CNPY1: variants seen among roughly 807,000 people sequenced by gnomAD.
The protein encoded by CNPY1 is protein canopy homolog 1.
A neutral mutation model predicts 14.4 loss-of-function variants in CNPY1; 14 were observed. The observed-to-expected ratio is 0.97, with a 90% CI of 0.64 to 1.52. CNPY1 has a LOEUF of 1.52. Among genes scored for constraint, CNPY1 ranks in the 40% most tolerant of loss-of-function variants. The pLI, the probability that CNPY1 is intolerant of heterozygous loss-of-function variation, is 0.00. For synonymous variants in CNPY1, 43 were observed against 46.5 expected, an observed-to-expected ratio of 0.92 and a Z score of 0.31; for missense variants, 129 against 131.5, an observed-to-expected ratio of 0.98 and a Z score of 0.09.
intron 4 of CNPY1, 64 bp downstream of exon 4, chr7:155,506,956 G>T: frequency 8.9e-7 from 1 of 1,118,794 alleles, no homozygotes; most frequent in Non-Finnish European, 1.4e-6. Context: ...ACAAGACGCT[G>T]CAAGGCTGAG....
intron 2 of CNPY1, among the ~76,000 whole-genome samples, chr7:155,523,855 AC>A (rs1279968443): frequency 6.6e-6 from 1 of 152,168 alleles, no homozygotes; most frequent in Non-Finnish European, 1.5e-5. Flanking sequence ...ATCCCATGTG[AC>A]TGATGCCTTA....
chr7:155,519,302 C>T (rs1796675655), intron 2 of CNPY1, among the ~76,000 whole-genome samples: 1 of 152,060 alleles, frequency 6.6e-6, no homozygotes, highest in African/African-American at 2.4e-5. Context: ...CAGGAGGATC[C>T]TTTGATCTCT....
At chr7:155,543,750 C>A (rs775189046) in intron 2 of CNPY1, among the ~76,000 whole-genome samples, 1 of 152,172 alleles carries the variant, frequency 6.6e-6, no homozygotes, top group Non-Finnish European at 1.5e-5. Context: ...ACAGGGTGCA[C>A]CATGTTTGCA....
chr7:155,522,333 G>A (rs979604636), intron 2 of CNPY1, among the ~76,000 whole-genome samples: 3 of 152,248 alleles, frequency 2.0e-5, no homozygotes, highest in Admixed American at 1.3e-4. Flanking sequence ...TGACTGTCAC[G>A]CCAGGCCATG....
intron 2 of CNPY1, among the ~76,000 whole-genome samples, chr7:155,529,469 C>A (rs1167549805): frequency 6.6e-6 from 1 of 152,174 alleles, no homozygotes; most frequent in African/African-American, 2.4e-5. Context: ...ACTGAGGAAC[C>A]AGCAGGGCCG....
intron 2 of CNPY1, among the ~76,000 whole-genome samples, chr7:155,526,233 A>G (rs1796816650): frequency 1.3e-5 from 2 of 152,228 alleles, no homozygotes; most frequent in Non-Finnish European, 2.9e-5. Flanking sequence ...GTGGGGGAGC[A>G]AGGCTTATTT....
rs544590701 is a variant in CNPY1 at position 155,535,819 on chromosome 7, C to T, written c.99+10012G>A. ...ATGCATTCATCTGTGATTTGGAAGGCGGTGGACGGAGAGCCAGACTTCTCA... is the reference window on the plus strand; with the variant it reads ...ATGCATTCATCTGTGATTTGGAAGGTGGTGGACGGAGAGCCAGACTTCTCA... On this transcript the variant is annotated intron_variant, in intron 2 of 4. Coordinates refer to ENST00000636446, the MANE Select transcript of CNPY1 (RefSeq NM_001393663.1). Among the ~76,000 whole-genome samples, 59 of 152,250 alleles carry T rather than the reference C, an allele frequency of 3.9e-4. No homozygotes were observed. In the East Asian group the frequency reaches 5.4e-3, roughly 14 times the overall value.
chr7:155,534,442 T>G (rs1796998692), intron 2 of CNPY1, among the ~76,000 whole-genome samples: 1 of 152,156 alleles, frequency 6.6e-6, no homozygotes, highest in East Asian at 1.9e-4. Flanking sequence ...CACTTGCATG[T>G]GCACACACAG....
intron 2 of CNPY1, among the ~76,000 whole-genome samples, chr7:155,543,356 G>C (rs1191173976): frequency 6.6e-6 from 1 of 152,112 alleles, no homozygotes; most frequent in East Asian, 1.9e-4. Context: ...AAGGAGGAGA[G>C]TAGCCCCCGC....
At chr7:155,533,250 G>A (rs1003112470) in intron 2 of CNPY1, among the ~76,000 whole-genome samples, 1 of 152,200 alleles carries the variant, frequency 6.6e-6, no homozygotes, top group East Asian at 1.9e-4. Context: ...AGGGAGGAAA[G>A]AGCCAGGCAC....
intron 2 of CNPY1, among the ~76,000 whole-genome samples, chr7:155,541,327 T>C (rs967111407): frequency 1.3e-5 from 2 of 152,176 alleles, no homozygotes; most frequent in East Asian, 1.9e-4. Context: ...AATCCTTGGC[T>C]AGGGAGAATG....
At chr7:155,542,974 C>T (rs192398463) in intron 2 of CNPY1, among the ~76,000 whole-genome samples, 213 of 152,202 alleles carry the variant, frequency 1.4e-3, no homozygotes, top group African/African-American at 4.8e-3. Context: ...CGCACAGTGC[C>T]GAGAGGCCAC....
intron 2 of CNPY1, among the ~76,000 whole-genome samples, chr7:155,512,285 A>G (rs948839809): frequency 6.6e-6 from 1 of 152,338 alleles, no homozygotes. Context: ...GGTACAAGTT[A>G]TAAGTAGAAA....
intron 2 of CNPY1, 142 bp downstream of exon 2, chr7:155,545,689 C>A (rs946840815): frequency 5.1e-6 from 2 of 391,910 alleles, no homozygotes; most frequent in East Asian, 7.3e-5. Flanking sequence ...CTTTGGGTCC[C>A]CCAGGACTCA....
chr7:155,514,757 G>T (rs1796584408), intron 2 of CNPY1, among the ~76,000 whole-genome samples: 1 of 152,048 alleles, frequency 6.6e-6, no homozygotes. Context: ...AGCCAGGTGT[G>T]GTGGTGCATG....
At chr7:155,527,927 C>T (rs749483550) in intron 2 of CNPY1, among the ~76,000 whole-genome samples, 13 of 152,196 alleles carry the variant, frequency 8.5e-5, no homozygotes, top group Non-Finnish European at 1.3e-4. Context: ...CTGGTGGCCC[C>T]GAAGGAGTTC....
At chr7:155,544,369 G>C (rs1450675711) in intron 2 of CNPY1, among the ~76,000 whole-genome samples, 1 of 152,234 alleles carries the variant, frequency 6.6e-6, no homozygotes, top group African/African-American at 2.4e-5. Flanking sequence ...CCCTTCCTCA[G>C]GGCTCTGCGG....
chr7:155,506,676 G>A (rs1221633771), intron 4 of CNPY1: 2 of 227,734 alleles, frequency 8.8e-6, no homozygotes, highest in African/African-American at 5.1e-5. Flanking sequence ...CCTGGTCCAG[G>A]ATGGAAAAAT....
intron 4 of CNPY1, among the ~76,000 whole-genome samples, chr7:155,505,912 A>G (rs938964974): frequency 2.6e-5 from 4 of 152,258 alleles, no homozygotes; most frequent in Non-Finnish European, 4.4e-5. Context: ...AAGCTTCATT[A>G]AAACTGGATT....
Sources: gnomAD v4.1 joint callset for allele counts (sites outside exome capture counted in the v4.1 genomes callset) on GRCh38, gnomAD v4.1.1 for gene constraint, MANE v1.5 for transcripts, NCBI Gene and HGNC (gene_info 2026-07-23, HGNC 2026-07-21) for gene names.